UNC5D: variants seen among roughly 807,000 people sequenced by gnomAD.
UNC5D encodes the protein netrin receptor UNC5D.
In UNC5D, 39 loss-of-function variants were observed where a neutral mutation model predicts 105.4. That is an observed-to-expected ratio of 0.37 (90% CI 0.29 to 0.48). UNC5D has a LOEUF of 0.48. Among genes scored for constraint, UNC5D ranks in the 20% least tolerant of loss-of-function variants. The pLI, the probability that UNC5D is intolerant of heterozygous loss-of-function variation, is 0.98. For missense variants in UNC5D, 991 were observed against 1,202.4 expected, an observed-to-expected ratio of 0.82 and a Z score of 2.60; for synonymous variants, 452 against 450.4, an observed-to-expected ratio of 1.00 and a Z score of -0.04.
intron 4 of UNC5D, among the ~76,000 whole-genome samples, chr8:35,615,621 G>A (rs1485605686): frequency 6.6e-6 from 1 of 152,106 alleles, no homozygotes; most frequent in Non-Finnish European, 1.5e-5. Flanking sequence ...CTCAAGTAAG[G>A]ACAGCATTTT....
chr8:35,367,118 A>G (rs893369650), intron 1 of UNC5D, among the ~76,000 whole-genome samples: 4 of 151,496 alleles, frequency 2.6e-5, no homozygotes, highest in South Asian at 2.1e-4. Flanking sequence ...TTCATTGTGA[A>G]TCTCTCAGGG....
At chr8:35,288,422 T>C (rs189701688) in intron 1 of UNC5D, among the ~76,000 whole-genome samples, 45 of 151,842 alleles carry the variant, frequency 3.0e-4, no homozygotes, top group Non-Finnish European at 5.7e-4. Flanking sequence ...AAACAAAAGC[T>C]AAGGGAGTTT....
chr8:35,667,363 T>C (rs1898259), intron 4 of UNC5D, among the ~76,000 whole-genome samples: 103,186 of 152,072 alleles, frequency 0.68, 40,186 homozygotes, highest in East Asian at 0.91. Flanking sequence ...GCGTGGCCAT[T>C]TTCCAAAACA....
At chr8:35,684,786 C>A in intron 6 of UNC5D, 37 bp downstream of exon 6, 1 of 1,569,730 alleles carries the variant, frequency 6.4e-7, no homozygotes. Flanking sequence ...CCTTCTGATC[C>A]ACCAACACTA....
chr8:35,439,586 C>A (rs1585846783), intron 1 of UNC5D, among the ~76,000 whole-genome samples: 1 of 152,166 alleles, frequency 6.6e-6, no homozygotes, highest in East Asian at 1.9e-4. Flanking sequence ...TATGGAAAAG[C>A]AACACCCTAA....
intron 7 of UNC5D, among the ~76,000 whole-genome samples, chr8:35,689,463 G>A (rs1026141411): frequency 5.3e-5 from 8 of 152,216 alleles, no homozygotes; most frequent in Non-Finnish European, 1.0e-4. Flanking sequence ...CACACACATA[G>A]AGGAAGAGTG....
In UNC5D at chr8:35,288,060, G is replaced by C. The variant is rs185588019; in HGVS notation, c.103+52173G>C. Among the ~76,000 whole-genome samples, 547 of 151,722 alleles carry C rather than the reference G, an allele frequency of 3.6e-3. 3 individuals are homozygous for C. The highest frequency in any genetic ancestry group is 6.1e-3 in the South Asian group (29 of 4,784). ...TAGACAGCATATTTAAGAAAATAAT[G>C]GCTGAAAAATTCCCAAATCTGGAGA... On this transcript the variant is annotated intron_variant, in intron 1 of 16. Coordinates refer to ENST00000404895, the MANE Select transcript of UNC5D (RefSeq NM_080872.4).
chr8:35,587,814 G>A (rs1422193728), intron 3 of UNC5D, among the ~76,000 whole-genome samples: 1 of 151,374 alleles, frequency 6.6e-6, no homozygotes, highest in Non-Finnish European at 1.5e-5. Flanking sequence ...CGTGATTTTT[G>A]GTGGCTATGA....
chr8:35,582,721 A>G (rs1361655911), intron 3 of UNC5D, among the ~76,000 whole-genome samples: 1 of 152,186 alleles, frequency 6.6e-6, no homozygotes, highest in South Asian at 2.1e-4. Flanking sequence ...ACTCTTTTCT[A>G]GCCCTTTGTT....
At chr8:35,421,824 C>T (rs74805747) in intron 1 of UNC5D, among the ~76,000 whole-genome samples, 7,512 of 152,132 alleles carry the variant, frequency 0.049, 212 homozygotes, top group African/African-American at 0.073. Flanking sequence ...TTCTTTACAC[C>T]ATCATTTACC....
chr8:35,783,768 C>G (rs1802614707), intron 16 of UNC5D, among the ~76,000 whole-genome samples: 1 of 152,154 alleles, frequency 6.6e-6, no homozygotes. Context: ...TCTCTAGCCA[C>G]TTTTCCTTTT....
chr8:35,742,432 A>G (rs1237220677), intron 11 of UNC5D, among the ~76,000 whole-genome samples: 1 of 152,178 alleles, frequency 6.6e-6, no homozygotes, highest in Non-Finnish European at 1.5e-5. Flanking sequence ...ATCAGCCTTG[A>G]TGTCTTTTCC....
At chr8:35,422,179 C>A (rs1478120377) in intron 1 of UNC5D, among the ~76,000 whole-genome samples, 6 of 152,162 alleles carry the variant, frequency 3.9e-5, no homozygotes, top group Non-Finnish European at 7.3e-5. Context: ...TGCAATATGG[C>A]CCCTTTCCTG....
chr8:35,729,585 C>T (rs183388680), intron 10 of UNC5D, among the ~76,000 whole-genome samples: 8 of 152,266 alleles, frequency 5.3e-5, no homozygotes, highest in African/African-American at 1.4e-4. Flanking sequence ...GACAGAATGT[C>T]GAGGGCATGT....
At chr8:35,474,630 G>T (rs1255456925) in intron 1 of UNC5D, among the ~76,000 whole-genome samples, 1 of 152,110 alleles carries the variant, frequency 6.6e-6, no homozygotes, top group Non-Finnish European at 1.5e-5. Flanking sequence ...AGCAACCTTG[G>T]AGGCCCCCTG....
intron 1 of UNC5D, among the ~76,000 whole-genome samples, chr8:35,298,584 AG>A (rs1286236725): frequency 8.7e-6 from 1 of 115,414 alleles, no homozygotes; most frequent in Non-Finnish European, 1.8e-5. Flanking sequence ...TGATTGTTGT[AG>A]GTTTTTTTTT....
At chr8:35,282,914 T>G (rs895243410) in intron 1 of UNC5D, among the ~76,000 whole-genome samples, 29 of 152,168 alleles carry the variant, frequency 1.9e-4, no homozygotes, top group Admixed American at 1.1e-3. Flanking sequence ...TCTCTTTTTT[T>G]GGGCAGCTTT....
chr8:35,784,576 T>C lies in UNC5D; in HGVS notation c.2658-5783T>C, dbSNP rs376124187. Among the ~76,000 whole-genome samples, 14 of 152,148 alleles carry C rather than the reference T, an allele frequency of 9.2e-5. 1 individual carries two copies. Among genetic ancestry groups the C allele is most frequent in the African/African-American group, 3.4e-4 (14 of 41,520 alleles). On this transcript the variant is annotated intron_variant, in intron 16 of 16. Transcript: ENST00000404895. ...CAGCCTGTGCAACATGGCGAAATCC[T>C]GTATCTACTAAAAGTACAAAAATTA...
intron 1 of UNC5D, among the ~76,000 whole-genome samples, chr8:35,286,631 C>T (rs1451508350): frequency 6.6e-6 from 1 of 152,184 alleles, no homozygotes; most frequent in East Asian, 1.9e-4. Flanking sequence ...TGATCCAACT[C>T]AGCCCTGATG....
Sources: gnomAD v4.1 joint callset for allele counts (sites outside exome capture counted in the v4.1 genomes callset) on GRCh38, gnomAD v4.1.1 for gene constraint, MANE v1.5 for transcripts, NCBI Gene and HGNC (gene_info 2026-07-23, HGNC 2026-07-21) for gene names.